MSRA: variants seen among roughly 807,000 people sequenced by gnomAD.
The protein encoded by MSRA is methionine sulfoxide reductase A.
A neutral mutation model predicts 31.3 loss-of-function variants in MSRA; 54 were observed. The observed-to-expected ratio is 1.73, with a 90% CI of 1.39 to 2.17. MSRA has a LOEUF of 2.17. MSRA is among the 30% of genes most tolerant of loss of function. MSRA has a pLI of 0.00. For synonymous variants in MSRA, 169 were observed against 116.5 expected, an observed-to-expected ratio of 1.45 and a Z score of -2.90; for missense variants, 507 against 300.9, an observed-to-expected ratio of 1.69 and a Z score of -5.07.
intron 2 of MSRA, among the ~76,000 whole-genome samples, chr8:10,240,128 G>T (rs139601298): frequency 6.6e-6 from 1 of 152,172 alleles, no homozygotes; most frequent in African/African-American, 2.4e-5. Context: ...AGTCAAACAC[G>T]TGCCAAGAAT....
intron 2 of MSRA, among the ~76,000 whole-genome samples, chr8:10,238,708 T>C (rs1478401203): frequency 1.3e-5 from 2 of 152,184 alleles, no homozygotes; most frequent in African/African-American, 4.8e-5. Context: ...TGGTTATGAA[T>C]ATGGAAAAAA....
intron 2 of MSRA, among the ~76,000 whole-genome samples, chr8:10,217,589 C>T (rs894672911): frequency 3.9e-5 from 6 of 152,196 alleles, no homozygotes; most frequent in African/African-American, 9.7e-5. Flanking sequence ...AAGCCTTGCT[C>T]GCTCAGCTTC....
At chr8:10,368,621 C>T (rs886126601) in intron 5 of MSRA, among the ~76,000 whole-genome samples, 1 of 152,164 alleles carries the variant, frequency 6.6e-6, no homozygotes, top group Non-Finnish European at 1.5e-5. Flanking sequence ...GCCCTCTGGC[C>T]AAATGCTGTT....
chr8:10,400,379 G>GTGTAA (rs1807381918), intron 5 of MSRA, among the ~76,000 whole-genome samples: 1 of 3,762 alleles, frequency 2.7e-4, no homozygotes, highest in Admixed American at 0.022. Context: ...GTGTGTGTGT[G>GTGTAA]TGTGTAGTGT....
intron 3 of MSRA, among the ~76,000 whole-genome samples, chr8:10,260,339 A>G (rs1203484591): frequency 1.3e-5 from 2 of 152,290 alleles, no homozygotes; most frequent in African/African-American, 4.8e-5. Context: ...GTTAGTAATG[A>G]AAGTGGAGTG....
In MSRA at chr8:10,294,694, C is replaced by T. The variant is rs192051099; in HGVS notation, c.332-6840C>T. The stretch of plus-strand genomic sequence containing the variant: ...GTGGGGGAACAGTGTCACCGACCTC[C>T]TTGCACAGGGCTGTCATTGCACTGC... On this transcript the variant is annotated intron_variant, in intron 3 of 5. Coordinates refer to ENST00000317173, the MANE Select transcript of MSRA (RefSeq NM_012331.5). Among the ~76,000 whole-genome samples, 10 of 152,270 alleles carry T rather than the reference C, an allele frequency of 6.6e-5. No individual in the cohort carries two copies. The East Asian group carries it at 9.7e-4, about 15-fold the overall frequency.
intron 1 of MSRA, among the ~76,000 whole-genome samples, chr8:10,088,516 C>T (rs973064654): frequency 1.3e-5 from 2 of 152,152 alleles, no homozygotes; most frequent in African/African-American, 4.8e-5. Flanking sequence ...GGGTGGATCA[C>T]TTGGGGTCAG....
intron 1 of MSRA, among the ~76,000 whole-genome samples, chr8:10,061,346 C>A (rs1057348808): frequency 6.6e-6 from 1 of 152,146 alleles, no homozygotes; most frequent in East Asian, 1.9e-4. Flanking sequence ...ATATCCTTAT[C>A]TTCAAGGAAG....
At chr8:10,313,714 G>C (rs1373831457) in intron 4 of MSRA, among the ~76,000 whole-genome samples, 1 of 152,160 alleles carries the variant, frequency 6.6e-6, no homozygotes, top group Non-Finnish European at 1.5e-5. Flanking sequence ...AAATGCAAAA[G>C]TCCAAGAAAA....
intron 5 of MSRA, among the ~76,000 whole-genome samples, chr8:10,343,572 C>T (rs896583379): frequency 1.3e-5 from 2 of 152,172 alleles, no homozygotes; most frequent in Admixed American, 6.5e-5. Flanking sequence ...TTAATTGTCT[C>T]CTACATCAGT....
intron 3 of MSRA, among the ~76,000 whole-genome samples, chr8:10,254,970 G>A (rs915362897): frequency 6.6e-6 from 1 of 152,188 alleles, no homozygotes; most frequent in Non-Finnish European, 1.5e-5. Context: ...CCGGTGATTT[G>A]TTTGAAACTT....
chr8:10,306,127 G>A (rs1585419865), intron 4 of MSRA, among the ~76,000 whole-genome samples: 2 of 152,122 alleles, frequency 1.3e-5, no homozygotes, highest in African/African-American at 2.4e-5. Flanking sequence ...AGGCAACGTG[G>A]TGGGTGCCTG....
chr8:10,212,152 A>G (rs1233379192), intron 2 of MSRA, among the ~76,000 whole-genome samples: 6 of 151,946 alleles, frequency 3.9e-5, no homozygotes, highest in African/African-American at 1.2e-4. Context: ...GCGCCACTGC[A>G]CTCCAGCCTA....
At chr8:10,083,146 T>TC (rs780954883) in intron 1 of MSRA, among the ~76,000 whole-genome samples, 32 of 152,210 alleles carry the variant, frequency 2.1e-4, no homozygotes, top group Non-Finnish European at 4.3e-4. Context: ...TACATTTTTT[T>TC]CTGTGTTAAA....
At chr8:10,198,311 AT>A (rs1340766607) in intron 1 of MSRA, among the ~76,000 whole-genome samples, 1 of 113,570 alleles carries the variant, frequency 8.8e-6, no homozygotes, top group Non-Finnish European at 1.8e-5. Flanking sequence ...AGGATACTTT[AT>A]TATTTTTTTT....
At chr8:10,193,161 G>A (rs1046858843) in intron 1 of MSRA, among the ~76,000 whole-genome samples, 1 of 152,196 alleles carries the variant, frequency 6.6e-6, no homozygotes, top group African/African-American at 2.4e-5. Flanking sequence ...GCTGAGGTAT[G>A]CCAAGTCACA....
chr8:10,081,596 TCTC>T (rs1798296199), intron 1 of MSRA, among the ~76,000 whole-genome samples: 1 of 152,128 alleles, frequency 6.6e-6, no homozygotes, highest in African/African-American at 2.4e-5. Flanking sequence ...TTGAAGCAGT[TCTC>T]CTGTCTTGGT....
intron 5 of MSRA, among the ~76,000 whole-genome samples, chr8:10,395,337 C>T (rs757243280): frequency 8.6e-5 from 13 of 152,040 alleles, no homozygotes; most frequent in Non-Finnish European, 1.5e-4. Context: ...GACCTAAATA[C>T]GTATGAGTCT....
intron 2 of MSRA, among the ~76,000 whole-genome samples, chr8:10,242,773 T>A (rs951378256): frequency 6.6e-6 from 1 of 152,160 alleles, no homozygotes; most frequent in African/African-American, 2.4e-5. Flanking sequence ...TAATAGAATG[T>A]TTAGCTTAAA....
Sources: gnomAD v4.1 joint callset for allele counts (sites outside exome capture counted in the v4.1 genomes callset) on GRCh38, gnomAD v4.1.1 for gene constraint, MANE v1.5 for transcripts, NCBI Gene and HGNC (gene_info 2026-07-23, HGNC 2026-07-21) for gene names.